NEDD4L: variants seen among roughly 807,000 people sequenced by gnomAD.
NEDD4L encodes the protein E3 ubiquitin-protein ligase NEDD4-like.
In NEDD4L, 54 loss-of-function variants were observed where a neutral mutation model predicts 148.9. The observed-to-expected ratio is 0.36, with a 90% CI of 0.29 to 0.45. The LOEUF is 0.45. Ranked by LOEUF, NEDD4L falls within the 20% of genes least tolerant of loss-of-function variation. The pLI, the probability that NEDD4L is intolerant of heterozygous loss-of-function variation, is 1.00. For missense variants in NEDD4L, 856 were observed against 1,233.8 expected, an observed-to-expected ratio of 0.69 and a Z score of 4.59; for synonymous variants, 433 against 440.7, an observed-to-expected ratio of 0.98 and a Z score of 0.22.
At chr18:58,333,631 C>G (rs894882637) in intron 11 of NEDD4L, among the ~76,000 whole-genome samples, 187 bp from the exon 12 acceptor site, 4 of 152,198 alleles carry the variant, frequency 2.6e-5, no homozygotes, top group African/African-American at 9.7e-5. Context: ...GTCTGCTTAA[C>G]TGAAAATTAA....
At chr18:58,067,074 CT>C (rs1454256182) in intron 1 of NEDD4L, among the ~76,000 whole-genome samples, 3 of 152,104 alleles carry the variant, frequency 2.0e-5, no homozygotes, top group Non-Finnish European at 4.4e-5. Flanking sequence ...GTTTCCAGCC[CT>C]GAACTCTCAA....
chr18:58,092,351 G>A (rs1423006390), intron 1 of NEDD4L, among the ~76,000 whole-genome samples: 1 of 152,174 alleles, frequency 6.6e-6, no homozygotes, highest in African/African-American at 2.4e-5. Context: ...TTTGGGGTGG[G>A]GGATTGTGTG....
chr18:58,074,407 T>C (rs2144964054), intron 1 of NEDD4L, among the ~76,000 whole-genome samples: 1 of 150,666 alleles, frequency 6.6e-6, no homozygotes, highest in South Asian at 2.1e-4. Flanking sequence ...TACAGTTGCG[T>C]GCCACCATGC....
At chr18:58,283,932 A>G (rs750606614) in intron 5 of NEDD4L, among the ~76,000 whole-genome samples, 2 of 152,242 alleles carry the variant, frequency 1.3e-5, no homozygotes, top group Admixed American at 6.5e-5. Flanking sequence ...AGAAACAGAC[A>G]TGCACACTGG....
rs1489877897 is a variant in NEDD4L, at chr18:58,218,201, T to C, written c.123-27226T>C. Among the ~76,000 whole-genome samples, 4 of 152,200 alleles carry C rather than the reference T, an allele frequency of 2.6e-5. No individual in the cohort carries two copies. In the East Asian group the frequency reaches 7.7e-4, roughly 29 times the overall value. On this transcript the variant is annotated intron_variant, in intron 2 of 30. Coordinates refer to ENST00000400345, the MANE Select transcript of NEDD4L (RefSeq NM_001144967.3). ...TTTATATACTTCCTTTGCTTTGCATTGAAACAAGCTGATCCATTGTGACCC... is the reference window on the plus strand; with the variant it reads ...TTTATATACTTCCTTTGCTTTGCATCGAAACAAGCTGATCCATTGTGACCC...
intron 2 of NEDD4L, among the ~76,000 whole-genome samples, chr18:58,193,554 C>T (rs2040345858): frequency 6.6e-6 from 1 of 152,220 alleles, no homozygotes; most frequent in Admixed American, 6.5e-5. Context: ...CTTACACACA[C>T]CACTTAAATA....
chr18:58,088,515 A>G (rs1001606209), intron 1 of NEDD4L, among the ~76,000 whole-genome samples: 13 of 152,214 alleles, frequency 8.5e-5, no homozygotes, highest in African/African-American at 3.1e-4. Context: ...GGGCCTCTAT[A>G]TACAAAGCCT....
intron 1 of NEDD4L, among the ~76,000 whole-genome samples, chr18:58,084,804 C>G (rs2083670781): frequency 6.6e-6 from 1 of 151,866 alleles, no homozygotes; most frequent in Non-Finnish European, 1.5e-5. Context: ...AAGAGATCCT[C>G]CCACCCCAGC....
At chr18:58,356,246 C>T (rs2044629252) in intron 18 of NEDD4L, among the ~76,000 whole-genome samples, 1 of 152,086 alleles carries the variant, frequency 6.6e-6, no homozygotes, top group Non-Finnish European at 1.5e-5. Context: ...GCATGAGCCA[C>T]TGCTCCTGGC....
At position 58,256,199 on chromosome 18, in the gene NEDD4L, GC is replaced by G; in HGVS notation, c.297+4149del. ...CCCCGTGGACTGCGCGGAGGAGGCTGCCCCGGGCCTGCGCATCCAGCACCGC... is the reference window on the plus strand; with the variant it reads ...CCCCGTGGACTGCGCGGAGGAGGCTGCCCGGGCCTGCGCATCCAGCACCGC... On this transcript the variant is annotated intron_variant, in intron 5 of 30. Transcript: ENST00000400345. This position sits in a 1 kb window ranked among gnomAD's most constrained non-coding sequence, Gnocchi z 5.2. 1 of 1,218,772 alleles carries G rather than the reference GC, an allele frequency of 8.2e-7. No homozygotes were observed. Among genetic ancestry groups the G allele is most frequent in the Non-Finnish European group, 1.0e-6 (1 of 979,762 alleles). The allele number at this position is 1,218,772 out of a possible 1,614,324, so 75.5% of individuals were successfully genotyped here. A position where few individuals can be genotyped will look rare whatever the true frequency, so the allele number is the denominator to read the frequency against.
intron 5 of NEDD4L, among the ~76,000 whole-genome samples, chr18:58,298,350 C>T (rs1433497137): frequency 6.6e-6 from 1 of 152,002 alleles, no homozygotes; most frequent in African/African-American, 2.4e-5. Flanking sequence ...TCAGCTTATC[C>T]CTGGAACCCT....
At chr18:58,204,641 A>G (rs2041793641) in intron 2 of NEDD4L, among the ~76,000 whole-genome samples, 1 of 152,188 alleles carries the variant, frequency 6.6e-6, no homozygotes. Flanking sequence ...CCTTCACATT[A>G]TGTTAACTGG....
chr18:58,204,925 T>G (rs1356509467), intron 2 of NEDD4L, among the ~76,000 whole-genome samples: 1 of 151,808 alleles, frequency 6.6e-6, no homozygotes, highest in Non-Finnish European at 1.5e-5. Context: ...AGGGAAAAAA[T>G]AGATCAAAAA....
intron 2 of NEDD4L, among the ~76,000 whole-genome samples, chr18:58,242,557 G>A (rs1045348621): frequency 1.3e-5 from 2 of 152,110 alleles, no homozygotes; most frequent in African/African-American, 4.8e-5. Context: ...CTGGAGTGCA[G>A]TGGCACAATC....
chr18:58,372,470 T>A (rs1269582570), intron 23 of NEDD4L: 3 of 152,092 alleles, frequency 2.0e-5, no homozygotes, highest in Admixed American at 6.5e-5. Flanking sequence ...ACTCTTTTTT[T>A]AAACTTTATT....
chr18:58,382,458 T>C (rs567571446), intron 24 of NEDD4L, among the ~76,000 whole-genome samples: 1 of 152,368 alleles, frequency 6.6e-6, no homozygotes, highest in Admixed American at 6.5e-5. Context: ...CATGGCTTTC[T>C]TTCAGTAGGA....
intron 24 of NEDD4L, among the ~76,000 whole-genome samples, chr18:58,381,982 G>A (rs1004304509): frequency 7.2e-5 from 11 of 152,176 alleles, no homozygotes; most frequent in African/African-American, 2.2e-4. Context: ...CAGCAAAACC[G>A]GAAACGCAGC....
chr18:58,227,148 T>C (rs770650561), intron 2 of NEDD4L, among the ~76,000 whole-genome samples: 6 of 152,208 alleles, frequency 3.9e-5, no homozygotes, highest in African/African-American at 7.2e-5. Context: ...TAATTTATTC[T>C]GGATTGTTTG....
intron 28 of NEDD4L, chr18:58,390,109 T>A (rs536673640): frequency 6.6e-6 from 1 of 152,626 alleles, no homozygotes; most frequent in South Asian, 2.1e-4. Flanking sequence ...CCAAGTGGCA[T>A]TACCAGTAAA....
Sources: allele counts gnomAD v4.1 joint callset (sites outside exome capture counted in the v4.1 genomes callset), GRCh38; gene constraint gnomAD v4.1.1; non-coding constraint Gnocchi (gnomAD v3.1); transcripts MANE v1.5; gene names NCBI Gene and HGNC (gene_info 2026-07-23, HGNC 2026-07-21).